Variants in GREB1L observed in about 807,000 individuals in gnomAD.
The protein encoded by GREB1L is GREB1 like retinoic acid receptor coactivator, also known as GREB1-like protein.
GREB1L carries 17 observed loss-of-function variants against 200.8 expected under a neutral mutation model. The ratio of observed to expected loss-of-function variants is 0.08; its 90% CI spans 0.06 to 0.13. The LOEUF is 0.13. Among genes scored for constraint, GREB1L ranks in the 10% least tolerant of loss-of-function variants. The probability of loss-of-function intolerance (pLI) is 1.00; values close to 1 mark genes in which losing one functional copy is unlikely to be tolerated. For missense variants in GREB1L, 1,657 were observed against 2,367.7 expected (o/e 0.70, Z 6.23); for synonymous variants, 789 against 893.0 (o/e 0.88, Z 2.08).
intron 1 of GREB1L, among the ~76,000 whole-genome samples, chr18:21,280,701 T>C (rs1163970370): frequency 6.6e-6 from 1 of 152,164 alleles, no homozygotes; most frequent in East Asian, 1.9e-4. Context: ...AGGTTGCTTT[T>C]TGTTTGCTTG....
chr18:21,505,662 A>T, intron 24 of GREB1L, 95 bp downstream of exon 24: 1 of 1,437,642 alleles, frequency 7.0e-7, no homozygotes, highest in Non-Finnish European at 9.4e-7. Context: ...TCTTATGCGC[A>T]TCATTTTTTA....
chr18:21,440,502 T>C, intron 9 of GREB1L, 114 bp downstream of exon 9: 1 of 1,027,546 alleles, frequency 9.7e-7, no homozygotes, highest in Non-Finnish European at 1.4e-6. Context: ...ATATTGATAG[T>C]AGCTAATGTT....
At chr18:21,430,761 T>C (rs2033083738) in intron 7 of GREB1L, among the ~76,000 whole-genome samples, 2 of 150,870 alleles carry the variant, frequency 1.3e-5, no homozygotes, top group South Asian at 4.2e-4. Context: ...CACACCTGGC[T>C]AATTTTGTAT....
At chr18:21,417,396 G>T (rs564145275) in intron 7 of GREB1L, among the ~76,000 whole-genome samples, 55 of 151,904 alleles carry the variant, frequency 3.6e-4, no homozygotes, top group African/African-American at 1.3e-3. Context: ...TGGTGATGTG[G>T]GCCTGTATTT....
intron 7 of GREB1L, among the ~76,000 whole-genome samples, chr18:21,419,729 G>A (rs1278377050): frequency 1.3e-5 from 2 of 152,200 alleles, no homozygotes; most frequent in Admixed American, 6.6e-5. Context: ...GATTACAGGC[G>A]TGAGCCACTG....
intron 1 of GREB1L, among the ~76,000 whole-genome samples, chr18:21,265,700 T>C (rs1228334648): frequency 6.6e-6 from 1 of 152,214 alleles, no homozygotes; most frequent in South Asian, 2.1e-4. Context: ...AATAGTGTTA[T>C]AACCTTTATG....
chr18:21,349,665 G>A (rs551492009), intron 1 of GREB1L, among the ~76,000 whole-genome samples: 1 of 152,048 alleles, frequency 6.6e-6, no homozygotes, highest in South Asian at 2.1e-4. Context: ...GTGTGTGAGG[G>A]ATCTAGGTCG....
intron 18 of GREB1L, among the ~76,000 whole-genome samples, chr18:21,488,725 C>T (rs1215358771): frequency 6.6e-6 from 1 of 152,118 alleles, no homozygotes; most frequent in Admixed American, 6.5e-5. Context: ...GGCATGATCT[C>T]GGCTCACTGT....
At chr18:21,462,056 G>T (rs1473064560) in intron 15 of GREB1L, among the ~76,000 whole-genome samples, 1 of 152,164 alleles carries the variant, frequency 6.6e-6, no homozygotes, top group Non-Finnish European at 1.5e-5. Flanking sequence ...GTTGCAAGAT[G>T]TCAGGAAGGA....
intron 1 of GREB1L, among the ~76,000 whole-genome samples, chr18:21,310,375 C>T (rs1244331250): frequency 6.6e-6 from 1 of 152,190 alleles, no homozygotes; most frequent in Non-Finnish European, 1.5e-5. Context: ...CTCAAGGCTG[C>T]TGCATTTTTT....
At position 21,500,142 on chromosome 18, in the gene GREB1L, C is replaced by T. The variant is rs765793211; in HGVS notation, c.3805C>T (p.Arg1269Trp). The T allele has an allele frequency of 1.3e-5, 20 of 1,551,368 alleles. No homozygotes were observed. In the Admixed American group the frequency reaches 1.8e-4, roughly 14 times the overall value. Residue 1269 changes from arginine (R) to tryptophan (W), a missense_variant, in exon 22 of 33, where the codon CGG (arginine) becomes TGG (tryptophan). Arg to Trp is a moderately radical substitution (Grantham distance 101). Transcript: ENST00000424526. ...CGACGTGGCCTGGGTGAGCTCCCTG[C>T]GGCCACTCCTGAACAAGGACATGAG... Reference protein sequence around the residue: ...HADVAWVSSLRPLLNKDMSSE... With the variant: ...HADVAWVSSLWPLLNKDMSSE...
chr18:21,479,216 C>A (rs552680729), intron 17 of GREB1L, among the ~76,000 whole-genome samples: 78 of 152,124 alleles, frequency 5.1e-4, no homozygotes, highest in African/African-American at 1.7e-3. Flanking sequence ...CCAGATAGTT[C>A]TCTTATTTTG....
intron 24 of GREB1L, 87 bp from the exon 25 acceptor site, chr18:21,505,723 T>C (rs1279875295): frequency 7.0e-7 from 1 of 1,437,808 alleles, no homozygotes; most frequent in South Asian, 1.4e-5. Flanking sequence ...CATGGAAAAG[T>C]CATTTTGGGG....
chr18:21,507,379 G>A (rs1292959888), intron 25 of GREB1L, among the ~76,000 whole-genome samples: 2 of 152,196 alleles, frequency 1.3e-5, no homozygotes, highest in Non-Finnish European at 2.9e-5. Flanking sequence ...ATGAAATATA[G>A]TATTTTGGTT....
intron 1 of GREB1L, among the ~76,000 whole-genome samples, chr18:21,282,118 T>TA (rs1567920850): frequency 2.0e-5 from 3 of 151,394 alleles, no homozygotes; most frequent in South Asian, 4.2e-4. Context: ...ACGAAAAATT[T>TA]AAAAAAAAGA....
At chr18:21,478,639 T>G (rs1598902808) in intron 17 of GREB1L, among the ~76,000 whole-genome samples, 1 of 152,222 alleles carries the variant, frequency 6.6e-6, no homozygotes, top group African/African-American at 2.4e-5. Flanking sequence ...CACTGCCTTA[T>G]GAGAACTAAC....
intron 1 of GREB1L, among the ~76,000 whole-genome samples, chr18:21,341,024 A>G (rs1297151462): frequency 2.0e-5 from 3 of 152,212 alleles, no homozygotes; most frequent in African/African-American, 7.2e-5. Flanking sequence ...AGATATATCC[A>G]TTTTACAGAT....
At chr18:21,477,102 T>C (rs976907981) in intron 16 of GREB1L, 62 bp from the exon 17 acceptor site, 4 of 1,059,960 alleles carry the variant, frequency 3.8e-6, no homozygotes, top group Non-Finnish European at 5.5e-6. Flanking sequence ...TCCATGTTAG[T>C]GTCTGATTCT....
At chr18:21,275,546 G>A (rs902191974) in intron 1 of GREB1L, among the ~76,000 whole-genome samples, 1 of 150,284 alleles carries the variant, frequency 6.7e-6, no homozygotes, top group Non-Finnish European at 1.5e-5. Flanking sequence ...CCAGCTACTC[G>A]GGAGGCTGAG....
Sources: allele counts gnomAD v4.1 joint callset (sites outside exome capture counted in the v4.1 genomes callset), GRCh38; gene constraint gnomAD v4.1.1; transcripts MANE v1.5; gene names NCBI Gene and HGNC (gene_info 2026-07-23, HGNC 2026-07-21).